Variants in ANKDD1B observed in about 807,000 individuals in gnomAD.
ANKDD1B encodes the protein ankyrin repeat and death domain-containing protein 1B.
In ANKDD1B, 57 loss-of-function variants were observed where a neutral mutation model predicts 59.7. The observed-to-expected ratio is 0.95, with a 90% confidence interval of 0.77 to 1.19. The LOEUF is 1.19. ANKDD1B is among the 50% of genes most tolerant of loss of function. The pLI, the probability that ANKDD1B is intolerant of heterozygous loss-of-function variation, is 0.00. For missense variants in ANKDD1B, 602 were observed against 641.9 expected (o/e 0.94, Z 0.67); for synonymous variants, 216 against 239.5 (o/e 0.90, Z 0.91).
rs1021859543 is a variant in ANKDD1B at position 75,611,647 on chromosome 5, G to A, written c.13G>A (p.Gly5Arg). 6.5e-6 allele frequency: 8 copies of A among 1,231,240 alleles called. No individual in the cohort carries two copies. In the African/African-American group the frequency reaches 7.8e-5, roughly 12 times the overall value. The allele number at this position is 1,231,240 out of a possible 1,614,324, so 76.3% of individuals were successfully genotyped here. A position where few individuals can be genotyped will look rare whatever the true frequency, so the allele number is the denominator to read the frequency against. The change falls in exon 1 of 14, where the codon GGG (glycine) becomes AGG (arginine). Residue 5 changes from glycine (G) to arginine (R), a missense_variant. By Grantham distance (125) the Gly-to-Arg change is moderately radical. Transcript: ENST00000601380. The part of the protein sequence containing the change: MDPA[G>R]RARGQGATAG... ...CGCGGAGGAGACTATGGACCCCGCC[G>A]GGCGCGCCCGGGGCCAAGGGGCCAC...
intron 12 of ANKDD1B, among the ~76,000 whole-genome samples, chr5:75,668,951 G>C (rs1775390861): frequency 6.6e-6 from 1 of 152,184 alleles, no homozygotes; most frequent in African/African-American, 2.4e-5. Flanking sequence ...GAAGAGCACT[G>C]GTCTATGAGA....
intron 5 of ANKDD1B, 65 bp from the exon 6 acceptor site, chr5:75,634,833 T>C (rs956519564): frequency 1.4e-5 from 15 of 1,038,184 alleles, no homozygotes; most frequent in Non-Finnish European, 1.4e-5. Context: ...TCGCTAGCTT[T>C]GTCCATTGTC....
At chr5:75,634,360 T>A (rs1774242454) in intron 5 of ANKDD1B, among the ~76,000 whole-genome samples, 1 of 152,196 alleles carries the variant, frequency 6.6e-6, no homozygotes. Flanking sequence ...TCAAGAGTTT[T>A]CCTATTGATT....
Position 75,635,048 on chromosome 5 carries a change from A to G in ANKDD1B, c.699+52A>G, listed in dbSNP as rs959099197. 24 of 1,210,532 alleles carry G rather than the reference A, an allele frequency of 2.0e-5. No homozygotes were observed. In the African/African-American group the frequency reaches 3.0e-4, roughly 15 times the overall value. The allele number at this position is 1,210,532 out of a possible 1,614,324, so 75.0% of individuals were successfully genotyped here. ...GAGAACAAGAGAAAGGGGAGTAACA[A>G]TTGATGTAGAGGGGTAACAATTGGC... On this transcript the variant is annotated intron_variant, in intron 6 of 13. Coordinates refer to ENST00000601380, the MANE Select transcript of ANKDD1B (RefSeq NM_001276713.2).
chr5:75,612,707 C>T (rs558467751), intron 1 of ANKDD1B, among the ~76,000 whole-genome samples: 16 of 152,132 alleles, frequency 1.1e-4, no homozygotes, highest in African/African-American at 2.9e-4. Context: ...AAAATAAGTA[C>T]GCAAATAAAT....
chr5:75,664,119 G>T (rs1458358268), intron 11 of ANKDD1B, among the ~76,000 whole-genome samples: 1 of 152,202 alleles, frequency 6.6e-6, no homozygotes, highest in Non-Finnish European at 1.5e-5. Flanking sequence ...GATTTATAGT[G>T]ATGTGTTGTT....
intron 5 of ANKDD1B, among the ~76,000 whole-genome samples, chr5:75,632,901 T>C (rs1774204383): frequency 6.6e-6 from 1 of 152,242 alleles, no homozygotes; most frequent in Non-Finnish European, 1.5e-5. Flanking sequence ...TTATCTGGCA[T>C]ATTCATAGGC....
At chr5:75,633,393 C>T (rs1024705162) in intron 5 of ANKDD1B, among the ~76,000 whole-genome samples, 2 of 152,124 alleles carry the variant, frequency 1.3e-5, no homozygotes, top group Non-Finnish European at 2.9e-5. Context: ...TTGTTTTTGT[C>T]TTCGCTTTTT....
intron 3 of ANKDD1B, among the ~76,000 whole-genome samples, chr5:75,622,927 T>G (rs1191825400): frequency 6.6e-6 from 1 of 152,210 alleles, no homozygotes; most frequent in Non-Finnish European, 1.5e-5. Flanking sequence ...GAGACTCAAG[T>G]TGATTGCAGC....
At chr5:75,648,267 TAAAA>T (rs57389631) in intron 7 of ANKDD1B, among the ~76,000 whole-genome samples, 12 of 87,426 alleles carry the variant, frequency 1.4e-4, no homozygotes, top group African/African-American at 4.0e-4. Flanking sequence ...AAAAAAAAAT[TAAAA>T]AAAAAAAAAA....
chr5:75,622,037 A>G (rs904743), intron 3 of ANKDD1B, among the ~76,000 whole-genome samples: 19,815 of 152,196 alleles, frequency 0.13, 1,397 homozygotes, highest in East Asian at 0.23. Context: ...TCATAATTCA[A>G]CCAAGGTCAT....
intron 7 of ANKDD1B, among the ~76,000 whole-genome samples, chr5:75,639,993 A>C (rs2111955159): frequency 6.6e-6 from 1 of 152,024 alleles, no homozygotes; most frequent in Non-Finnish European, 1.5e-5. Flanking sequence ...CGTACTTCTA[A>C]TTTTGTATGT....
In ANKDD1B at chr5:75,626,030, C is replaced by G. The variant is rs535516364; in HGVS notation, c.600+75C>G. On this transcript the variant is annotated intron_variant, in intron 5 of 13. Transcript: ENST00000601380. ...CACTTTCTTCCTGCCTCTGGTACAG[C>G]TGTGAAAGCAGCCAGCACAGACAGA... is the stretch of plus-strand genomic sequence containing the variant. 3.9e-5 allele frequency: 44 copies of G among 1,116,184 alleles called. No individual in the cohort carries two copies. In the African/African-American group the frequency reaches 5.4e-4, roughly 14 times the overall value. 69.1% of individuals were successfully genotyped at this position (1,116,184 alleles called of 1,614,324 possible). A position where few individuals can be genotyped will look rare whatever the true frequency, so the allele number is the denominator to read the frequency against.
At chr5:75,620,964 C>T (rs1229147505) in intron 3 of ANKDD1B, among the ~76,000 whole-genome samples, 1 of 152,174 alleles carries the variant, frequency 6.6e-6, no homozygotes, top group African/African-American at 2.4e-5. Flanking sequence ...GTGTACTTCC[C>T]ACAAATAGGT....
intron 7 of ANKDD1B, among the ~76,000 whole-genome samples, chr5:75,636,908 C>T (rs1268990533): frequency 6.6e-6 from 1 of 151,774 alleles, no homozygotes; most frequent in Non-Finnish European, 1.5e-5. Context: ...TTGTTTGAGG[C>T]ACTTGGGAGG....
chr5:75,622,656 A>G (rs1773883087), intron 3 of ANKDD1B, among the ~76,000 whole-genome samples: 1 of 152,238 alleles, frequency 6.6e-6, no homozygotes, highest in South Asian at 2.1e-4. Context: ...TGTTCCCCAG[A>G]GGAAATTATT....
At chr5:75,628,872 G>A (rs1368238168) in intron 5 of ANKDD1B, among the ~76,000 whole-genome samples, 1 of 152,162 alleles carries the variant, frequency 6.6e-6, no homozygotes, top group African/African-American at 2.4e-5. Context: ...GAATCTACAT[G>A]TAAATGTCCA....
At chr5:75,622,227 C>A (rs1773866409) in intron 3 of ANKDD1B, among the ~76,000 whole-genome samples, 1 of 152,192 alleles carries the variant, frequency 6.6e-6, no homozygotes, top group African/African-American at 2.4e-5. Flanking sequence ...AGACAGAAGT[C>A]ATTGCTATTT....
intron 7 of ANKDD1B, among the ~76,000 whole-genome samples, chr5:75,649,651 G>A (rs988636923): frequency 6.6e-6 from 1 of 152,044 alleles, no homozygotes; most frequent in Non-Finnish European, 1.5e-5. Flanking sequence ...TCCCAGGGAG[G>A]GCACTTCTGA....
Sources: gnomAD v4.1 joint callset for allele counts (sites outside exome capture counted in the v4.1 genomes callset) on GRCh38, gnomAD v4.1.1 for gene constraint, MANE v1.5 for transcripts, NCBI Gene and HGNC (gene_info 2026-07-23, HGNC 2026-07-21) for gene names.